Variants in RNF149 observed in about 807,000 individuals in gnomAD.
RNF149 encodes the protein ring finger protein 149.
RNF149 carries 21 observed loss-of-function variants against 39.0 expected under a neutral mutation model. The ratio of observed to expected loss-of-function variants is 0.54; its 90% CI spans 0.38 to 0.77. RNF149 has a LOEUF of 0.77. RNF149 is among the 30% of genes least tolerant of loss of function. RNF149 has a pLI of 0.00. For synonymous variants in RNF149, 209 were observed against 213.6 expected, an observed-to-expected ratio of 0.98 and a Z score of 0.19; for missense variants, 493 against 534.9, an observed-to-expected ratio of 0.92 and a Z score of 0.77.
intron 3 of RNF149, among the ~76,000 whole-genome samples, chr2:101,291,057 A>G (rs1200897576): frequency 6.6e-6 from 1 of 152,248 alleles, no homozygotes; most frequent in Non-Finnish European, 1.5e-5. Flanking sequence ...ACACAGTTAC[A>G]CTGTTCTTAT....
downstream of RNF149, among the ~76,000 whole-genome samples, chr2:101,275,168 A>G (rs1682289037): frequency 2.7e-5 from 3 of 110,984 alleles, no homozygotes; most frequent in Admixed American, 4.0e-4. Context: ...CCCAGGCTGG[A>G]GTGCAGTAGC....
At position 101,277,983 on chromosome 2, in the gene RNF149, G is replaced by A. The variant is rs373060605; in HGVS notation, c.1160-702C>T. Among the ~76,000 whole-genome samples the A allele has an allele frequency of 1.1e-4, 17 of 152,178 alleles. No individual in the cohort carries two copies. In the East Asian group the frequency reaches 1.4e-3, roughly 12 times the overall value. ...TAGAGATTAACATGTCACCAGCCCC[G>A]GTTTATAGATGGCAAGGAAGAGGAG... On this transcript the variant is annotated intron_variant, in intron 6 of 6. Transcript: ENST00000295317.
intron 3 of RNF149, among the ~76,000 whole-genome samples, chr2:101,292,719 T>C: frequency 6.6e-6 from 1 of 152,086 alleles, no homozygotes. Context: ...TGAGCCGAGA[T>C]TGCGCCACTG....
chr2:101,281,205 T>C (rs1282714132), intron 6 of RNF149, among the ~76,000 whole-genome samples: 5 of 151,288 alleles, frequency 3.3e-5, no homozygotes, highest in Admixed American at 1.3e-4. Flanking sequence ...CAAGAAATTA[T>C]AGAAAATTCA....
downstream of RNF149, chr2:101,273,025 C>T (rs1282867239): frequency 3.7e-6 from 5 of 1,353,152 alleles, no homozygotes; most frequent in East Asian, 1.4e-4. Context: ...TGCAATTCGG[C>T]CTTTTCTTGT....
chr2:101,280,862 T>C (rs1330518089), intron 6 of RNF149, among the ~76,000 whole-genome samples: 2 of 152,146 alleles, frequency 1.3e-5, no homozygotes, highest in Non-Finnish European at 2.9e-5. Flanking sequence ...TGAGACTTCA[T>C]CACTTCAAAA....
intron 1 of RNF149, among the ~76,000 whole-genome samples, chr2:101,306,897 T>C (rs1030282307): frequency 4.6e-5 from 7 of 152,084 alleles, no homozygotes; most frequent in African/African-American, 7.2e-5. Flanking sequence ...AAAACAGAAG[T>C]ATAGGAAAAA....
chr2:101,272,542 G>A (rs1455313309), downstream of RNF149, among the ~76,000 whole-genome samples: 1 of 152,162 alleles, frequency 6.6e-6, no homozygotes, highest in Admixed American at 6.5e-5. Flanking sequence ...TGACTATTAA[G>A]TCACAGAAAC....
chr2:101,277,321 C>T, intron 6 of RNF149, 40 bp from the exon 7 acceptor site: 1 of 1,581,132 alleles, frequency 6.3e-7, no homozygotes, highest in South Asian at 1.2e-5. Context: ...CAGAAGAGGG[C>T]AGCATATTCC....
intron 3 of RNF149, among the ~76,000 whole-genome samples, chr2:101,292,455 G>A (rs981790458): frequency 3.3e-5 from 5 of 152,148 alleles, no homozygotes; most frequent in Admixed American, 2.6e-4. Flanking sequence ...ATACATCTAT[G>A]TCTTCTCATA....
Position 101,277,166 on chromosome 2 carries a change from A to C in RNF149, c.*72T>G, listed in dbSNP as rs892201297. 5.1e-6 allele frequency: 8 copies of C among 1,568,234 alleles called. No individual in the cohort carries two copies. The African/African-American group carries it at 1.1e-4, about 21-fold the overall frequency. ...TTTTCAAATATACAAATTATGTGCT[A>C]AAGTAAAAAAAATAAAATGTCCTTT... On this transcript the variant is annotated 3_prime_UTR_variant, in exon 7 of 7. Transcript: ENST00000295317.
chr2:101,291,993 G>A (rs1262332063), intron 3 of RNF149, among the ~76,000 whole-genome samples: 2 of 152,112 alleles, frequency 1.3e-5, no homozygotes, highest in Non-Finnish European at 1.5e-5. Context: ...TGAACATCGC[G>A]GCTTAGCCTG....
Position 101,276,972 on chromosome 2 carries a change from C to T in RNF149, c.*266G>A. 2.5e-6 allele frequency: 3 copies of T among 1,176,754 alleles called. No homozygotes were observed. The highest frequency in any genetic ancestry group is 3.2e-6 in the Non-Finnish European group (3 of 942,598). 72.9% of individuals were successfully genotyped at this position (1,176,754 alleles called of 1,614,324 possible). A position where few individuals can be genotyped will look rare whatever the true frequency, so the allele number is the denominator to read the frequency against. On this transcript the variant is annotated 3_prime_UTR_variant, in exon 7 of 7. Transcript: ENST00000295317. Reference sequence around the variant, plus strand: ...ACCACCTGTCCTTTATATTAGAGTACCTGCCCCAGTTGTCTTTGTAATAGT... The same window carrying T: ...ACCACCTGTCCTTTATATTAGAGTATCTGCCCCAGTTGTCTTTGTAATAGT...
downstream of RNF149, among the ~76,000 whole-genome samples, chr2:101,272,554 C>T (rs181048034): frequency 6.5e-4 from 99 of 152,194 alleles, no homozygotes; most frequent in African/African-American, 2.4e-3. Context: ...CACAGAAACA[C>T]AACACATATT....
chr2:101,307,684 A>AC (rs1398575939), intron 1 of RNF149, among the ~76,000 whole-genome samples: 3 of 152,088 alleles, frequency 2.0e-5, no homozygotes, highest in African/African-American at 7.2e-5. Flanking sequence ...AAGTGAAGAA[A>AC]CCAGAGTGCC....
At chr2:101,285,079 GGA>G (rs1021135211) in intron 5 of RNF149, among the ~76,000 whole-genome samples, 39 of 152,046 alleles carry the variant, frequency 2.6e-4, no homozygotes, top group African/African-American at 8.9e-4. Context: ...TGTATTTTTA[GGA>G]GAGACAGGGT....
chr2:101,288,793 C>A, intron 4 of RNF149, 180 bp downstream of exon 4: 1 of 535,104 alleles, frequency 1.9e-6, no homozygotes, highest in South Asian at 2.4e-5. Context: ...ATCTCCTAGG[C>A]AAAGCAATCT....
At chr2:101,305,909 T>C (rs1420838573) in intron 1 of RNF149, among the ~76,000 whole-genome samples, 1 of 152,224 alleles carries the variant, frequency 6.6e-6, no homozygotes. Context: ...TGCAGAACAC[T>C]GAGCTGTGTG....
chr2:101,279,597 G>C (rs899995829), intron 6 of RNF149, among the ~76,000 whole-genome samples: 1 of 152,186 alleles, frequency 6.6e-6, no homozygotes, highest in Non-Finnish European at 1.5e-5. Context: ...CATTTACCAA[G>C]GGAACATGCT....
Sources: gnomAD v4.1 joint callset for allele counts (sites outside exome capture counted in the v4.1 genomes callset) on GRCh38, gnomAD v4.1.1 for gene constraint, MANE v1.5 for transcripts, NCBI Gene and HGNC (gene_info 2026-07-23, HGNC 2026-07-21) for gene names.